The following TPRG1 variants were observed in gnomAD, a reference collection of about 807,000 sequenced individuals.
TPRG1 encodes tumor protein p63 regulated 1, also known as tumor protein p63-regulated gene 1 protein.
In TPRG1, 29 loss-of-function variants were observed where a neutral mutation model predicts 29.3. The observed-to-expected ratio is 0.99, with a 90% CI of 0.74 to 1.35. The LOEUF (loss-of-function observed/expected upper bound fraction) is 1.35, where lower values mean the gene tolerates loss of function less well. Ranked by LOEUF, TPRG1 falls within the 40% of genes most tolerant of loss-of-function variation. The probability of loss-of-function intolerance (pLI) is 0.00; values close to 1 mark genes in which losing one functional copy is unlikely to be tolerated. For missense variants in TPRG1, 327 were observed against 335.0 expected (o/e 0.98, Z 0.19); for synonymous variants, 130 against 116.8 (o/e 1.11, Z -0.73).
At chr3:189,182,082 A>C (rs574840391) in intron 1 of TPRG1, among the ~76,000 whole-genome samples, 43 of 152,174 alleles carry the variant, frequency 2.8e-4, no homozygotes, top group Admixed American at 6.5e-4. Flanking sequence ...TGATTCAATT[A>C]CCTCCCACTG....
chr3:189,081,070 A>G lies in TPRG1; in HGVS notation c.-462-45987A>G, dbSNP rs555921196. ...TAAAGAATTGGTTAAAAATGATGTC[A>G]TTTATTTTCAGTCTGGATAATTAGA... is the stretch of plus-strand genomic sequence containing the variant. On this transcript the variant is annotated intron_variant, in intron 4 of 10. Coordinates refer to the TPRG1 transcript ENST00000433971. 9.2e-5 allele frequency among the ~76,000 whole-genome samples: 14 copies of G among 152,300 alleles called. No individual in the cohort carries two copies. In the South Asian group the frequency reaches 1.9e-3, roughly 20 times the overall value.
At chr3:189,138,871 A>C (rs1039925447) in intron 3 of TPRG1, among the ~76,000 whole-genome samples, 3 of 152,292 alleles carry the variant, frequency 2.0e-5, no homozygotes, top group Admixed American at 2.0e-4. Context: ...CATGTAATAA[A>C]GGGGTCAGGG....
At chr3:189,009,391 G>A (rs1712475039) in intron 3 of TPRG1, among the ~76,000 whole-genome samples, 1 of 152,124 alleles carries the variant, frequency 6.6e-6, no homozygotes. Flanking sequence ...CCTAAGAGAA[G>A]TGGGTATACT....
At chr3:189,050,009 C>A (rs1469156837) in intron 4 of TPRG1, among the ~76,000 whole-genome samples, 1 of 152,026 alleles carries the variant, frequency 6.6e-6, no homozygotes, top group African/African-American at 2.4e-5. Context: ...AATCTAAGGT[C>A]ACGCCTCAAG....
At chr3:189,237,045 G>A (rs1739596347) in intron 3 of TPRG1, among the ~76,000 whole-genome samples, 1 of 152,134 alleles carries the variant, frequency 6.6e-6, no homozygotes, top group Admixed American at 6.5e-5. Context: ...TCATTTCACA[G>A]ACGTGGAACC....
chr3:189,308,057 T>G (rs1298276956), intron 4 of TPRG1, among the ~76,000 whole-genome samples: 1 of 152,232 alleles, frequency 6.6e-6, no homozygotes, highest in East Asian at 1.9e-4. Context: ...ACTGGCATCA[T>G]GACCACCTAC....
chr3:189,028,024 A>G (rs997422514), intron 4 of TPRG1, among the ~76,000 whole-genome samples: 2 of 152,144 alleles, frequency 1.3e-5, no homozygotes, highest in Admixed American at 1.3e-4. Context: ...CAGGAAATTC[A>G]TATTCTGGTG....
chr3:189,031,988 G>A (rs535329617), intron 4 of TPRG1, among the ~76,000 whole-genome samples: 8 of 152,216 alleles, frequency 5.3e-5, no homozygotes, highest in South Asian at 4.1e-4. Context: ...AGTAACAGTC[G>A]TTTATAAAAG....
At chr3:189,269,901 A>G (rs1452245500) in intron 4 of TPRG1, among the ~76,000 whole-genome samples, 1 of 152,196 alleles carries the variant, frequency 6.6e-6, no homozygotes, top group East Asian at 1.9e-4. Flanking sequence ...GTCACCAGGA[A>G]AAAGGAACAT....
intron 1 of TPRG1, among the ~76,000 whole-genome samples, chr3:189,196,843 AG>A (rs1161972029): frequency 6.6e-6 from 1 of 152,216 alleles, no homozygotes; most frequent in African/African-American, 2.4e-5. Context: ...TAAAGGCTGG[AG>A]TTTTTATTTT....
At chr3:189,315,059 C>G (rs930366990) in intron 5 of TPRG1, among the ~76,000 whole-genome samples, 3 of 152,108 alleles carry the variant, frequency 2.0e-5, no homozygotes, top group African/African-American at 7.2e-5. Context: ...GGCAGGAGGA[C>G]TGCTTAAGCC....
intron 3 of TPRG1, among the ~76,000 whole-genome samples, chr3:189,144,340 A>T (rs1189204785): frequency 1.3e-5 from 2 of 152,216 alleles, no homozygotes; most frequent in Non-Finnish European, 2.9e-5. Flanking sequence ...AGGTATTTTT[A>T]ACCTTTAATT....
intron 5 of TPRG1, among the ~76,000 whole-genome samples, chr3:189,164,842 T>C (rs1426611410): frequency 6.6e-6 from 1 of 152,154 alleles, no homozygotes; most frequent in Non-Finnish European, 1.5e-5. Context: ...ACAGCTCCCA[T>C]GTCCCCCTGG....
intron 2 of TPRG1, among the ~76,000 whole-genome samples, chr3:189,127,893 G>A (rs1423787548): frequency 6.6e-6 from 1 of 152,148 alleles, no homozygotes; most frequent in African/African-American, 2.4e-5. Flanking sequence ...TGCTTAGCTG[G>A]TATATGTAAA....
At chr3:189,185,406 T>C (rs1730784401) in intron 1 of TPRG1, among the ~76,000 whole-genome samples, 1 of 152,014 alleles carries the variant, frequency 6.6e-6, no homozygotes, top group South Asian at 2.1e-4. Context: ...TGAAATTTTT[T>C]GTAGAGATGG....
intron 3 of TPRG1, among the ~76,000 whole-genome samples, chr3:189,010,160 TA>T (rs1712520229): frequency 6.6e-6 from 1 of 152,182 alleles, no homozygotes; most frequent in Non-Finnish European, 1.5e-5. Context: ...TTCCATGGTG[TA>T]TATGTACCAC....
intron 1 of TPRG1, among the ~76,000 whole-genome samples, chr3:189,196,122 A>G (rs1429349023): frequency 6.6e-6 from 1 of 152,152 alleles, no homozygotes; most frequent in African/African-American, 2.4e-5. Flanking sequence ...CTGAAACCCT[A>G]CTGCTTCCAT....
At chr3:189,123,995 A>G (rs1397611716) in intron 1 of TPRG1, among the ~76,000 whole-genome samples, 1 of 152,200 alleles carries the variant, frequency 6.6e-6, no homozygotes, top group Non-Finnish European at 1.5e-5. Context: ...TTTGAAATGC[A>G]TTAGAGTAAT....
At chr3:189,019,665 TTCA>T (rs1246229999) in intron 3 of TPRG1, among the ~76,000 whole-genome samples, 2 of 152,106 alleles carry the variant, frequency 1.3e-5, no homozygotes, top group East Asian at 3.9e-4. Context: ...TGCATCAATG[TTCA>T]TCAAGGATAT....
Sources: gnomAD v4.1 joint callset for allele counts (sites outside exome capture counted in the v4.1 genomes callset) on GRCh38, gnomAD v4.1.1 for gene constraint, MANE v1.5 for transcripts, NCBI Gene and HGNC (gene_info 2026-07-23, HGNC 2026-07-21) for gene names.